LRRC3C: variants seen among roughly 807,000 people sequenced by gnomAD.
LRRC3C encodes leucine rich repeat containing 3C, also known as leucine-rich repeat-containing protein 3C.
In LRRC3C, 11 loss-of-function variants were observed where a neutral mutation model predicts 14.8. The ratio of observed to expected loss-of-function variants is 0.74; its 90% CI spans 0.47 to 1.23. The LOEUF is 1.23. Among genes scored for constraint, LRRC3C ranks in the 50% most tolerant of loss-of-function variants. LRRC3C has a pLI of 0.00. For missense variants in LRRC3C, 354 were observed against 361.8 expected (o/e 0.98, Z 0.18); for synonymous variants, 149 against 161.5 (o/e 0.92, Z 0.59).
At chr17:39,934,092 C>T (rs1166616089) in intron 1 of LRRC3C, among the ~76,000 whole-genome samples, 1 of 152,184 alleles carries the variant, frequency 6.6e-6, no homozygotes, top group South Asian at 2.1e-4. Context: ...TGTTCTGCCT[C>T]CCTCGCCCAG....
chr17:39,931,840 A>AG (rs1420275540), intron 1 of LRRC3C, among the ~76,000 whole-genome samples: 2 of 151,856 alleles, frequency 1.3e-5, no homozygotes, highest in African/African-American at 2.4e-5. Flanking sequence ...TAGTTGAGAC[A>AG]GGGTTTCACC....
In LRRC3C at chr17:39,944,618, G is replaced by T; in HGVS notation, c.712G>T (p.Ala238Ser). 6.5e-7 allele frequency: 1 copy of T among 1,535,948 alleles called. No homozygotes were observed. Among genetic ancestry groups the T allele is most frequent in the Non-Finnish European group, 8.7e-7 (1 of 1,146,852 alleles). The change falls in exon 4 of 4, where the codon GCT becomes TCT. Residue 238 changes from alanine to serine, a missense_variant. By Grantham distance (99) the Ala-to-Ser change is moderately conservative. Transcript: ENST00000377924. ...TMGGWLTLMV[A>S]YLVHYVWQNR... ...GGGGGGCTGGCTGACACTCATGGTG[G>T]CTTATCTGGTGCATTATGTGTGGCA...
In LRRC3C at chr17:39,944,431, G is replaced by A. The variant is rs1979028142; in HGVS notation, c.525G>A (p.Val175=). 2 of 1,492,864 alleles carry A rather than the reference G, an allele frequency of 1.3e-6. No individual in the cohort carries two copies. Among genetic ancestry groups the A allele is most frequent in the East Asian group, 2.5e-5 (1 of 40,530 alleles). 92.5% of individuals were successfully genotyped at this position (1,492,864 alleles called of 1,614,324 possible). ...DCALQEVLRQ[V]RLVPGTGTGI... is the part of the protein sequence containing the mutation. ...CCCTCCAGGAAGTGCTCCGGCAGGTGAGGCTGGTGCCGGGCACTGGGACAG... is the reference window on the plus strand; with the variant it reads ...CCCTCCAGGAAGTGCTCCGGCAGGTAAGGCTGGTGCCGGGCACTGGGACAG... Residue 175 remains valine, a synonymous_variant, in exon 4 of 4, where the codon GTG becomes GTA. Coordinates refer to ENST00000377924, the MANE Select transcript of LRRC3C (RefSeq NM_001195545.2).
rs1025339277 is a variant in LRRC3C, at chr17:39,944,084, G to A, written c.178G>A (p.Glu60Lys). Residue 60 changes from glutamate to lysine, a missense_variant, in exon 4 of 4, where the codon GAA becomes AAA. Coordinates refer to ENST00000377924, the MANE Select transcript of LRRC3C (RefSeq NM_001195545.2). ...RGCYVAKEAGERTFRCSQAGL... is the reference protein window; with the variant it reads ...RGCYVAKEAGKRTFRCSQAGL... Reference sequence around the variant, plus strand: ...CTGTTATGTGGCAAAGGAAGCAGGTGAACGGACGTTCCGCTGCAGCCAGGC... The same window carrying A: ...CTGTTATGTGGCAAAGGAAGCAGGTAAACGGACGTTCCGCTGCAGCCAGGC... 74 of 1,536,126 alleles carry A rather than the reference G, an allele frequency of 4.8e-5. No individual in the cohort carries two copies. In the East Asian group the frequency reaches 5.4e-4, roughly 11 times the overall value.
intron 3 of LRRC3C, 27 bp downstream of exon 3, chr17:39,941,576 T>TTGGTTGTGTCGGG: frequency 1.3e-6 from 2 of 1,532,430 alleles, no homozygotes; most frequent in Non-Finnish European, 1.7e-6. Flanking sequence ...CTAGTCTCTG[T>TTGGTTGTGTCGGG]GACACCCCAC....
chr17:39,933,044 C>T lies in LRRC3C; in HGVS notation c.-174-2758C>T, dbSNP rs116541857. ...TCCAGCCTGGGCAACAAGAGTGGAA[C>T]TTTGTCTCAAAAAATAAAGAAAGGA... On this transcript the variant is annotated intron_variant, in intron 1 of 3. Coordinates refer to ENST00000377924, the MANE Select transcript of LRRC3C (RefSeq NM_001195545.2). 8.1e-3 allele frequency among the ~76,000 whole-genome samples: 1,186 copies of T among 147,200 alleles called. 9 individuals carry two copies. Among genetic ancestry groups the T allele is most frequent in the African/African-American group, 0.029 (1,127 of 39,498 alleles).
intron 2 of LRRC3C, among the ~76,000 whole-genome samples, chr17:39,936,583 A>T (rs535579529): frequency 4.0e-5 from 6 of 151,324 alleles, no homozygotes; most frequent in Non-Finnish European, 8.8e-5. Flanking sequence ...AGGGTGGATC[A>T]CTTGAACCCA....
rs1180316760 is a variant in LRRC3C, at chr17:39,942,970, G to A, written c.27-963G>A. ...TTCTGGGAAGCAGTTTCAGCCTTGGGGAGTGAGGGAAGATGGCAGCATCAA... is the reference window on the plus strand; with the variant it reads ...TTCTGGGAAGCAGTTTCAGCCTTGGAGAGTGAGGGAAGATGGCAGCATCAA... On this transcript the variant is annotated intron_variant, in intron 3 of 3. Transcript: ENST00000377924. 2.6e-5 allele frequency among the ~76,000 whole-genome samples: 4 copies of A among 152,326 alleles called. No homozygotes were observed. In the East Asian group the frequency reaches 7.7e-4, roughly 29 times the overall value.
At chr17:39,934,941 G>A (rs184676125) in intron 1 of LRRC3C, among the ~76,000 whole-genome samples, 45 of 152,254 alleles carry the variant, frequency 3.0e-4, no homozygotes, top group Non-Finnish European at 5.7e-4. Context: ...AACTGTCATG[G>A]CGCGGCTGAA....
At chr17:39,937,865 C>A (rs1306409523) in intron 2 of LRRC3C, among the ~76,000 whole-genome samples, 4 of 152,220 alleles carry the variant, frequency 2.6e-5, no homozygotes, top group African/African-American at 4.8e-5. Context: ...GGCACGGTGG[C>A]TCACTCCTGT....
intron 2 of LRRC3C, among the ~76,000 whole-genome samples, chr17:39,938,556 C>G (rs887228534): frequency 6.8e-6 from 1 of 146,236 alleles, no homozygotes; most frequent in Non-Finnish European, 1.5e-5. Flanking sequence ...AAAAAATTGG[C>G]TGGTTGTGGT....
chr17:39,944,123 G>A lies in LRRC3C; in HGVS notation c.217G>A (p.Val73Met), dbSNP rs1379829461. 2 of 1,536,214 alleles carry A rather than the reference G, an allele frequency of 1.3e-6. No homozygotes were observed. The highest frequency in any genetic ancestry group is 1.7e-6 in the Non-Finnish European group (2 of 1,146,932). The change falls in exon 4 of 4, where the codon GTG (valine) becomes ATG (methionine). Residue 73 changes from valine to methionine, a missense_variant. Transcript: ENST00000377924. ...CTGCAGCCAGGCAGGCCTCAGTGCT[G>A]TGCCCTCCGGCATCCCCAATGACAC... Reference protein sequence around the residue: ...FRCSQAGLSAVPSGIPNDTRK... With the variant: ...FRCSQAGLSAMPSGIPNDTRK...
intron 2 of LRRC3C, among the ~76,000 whole-genome samples, chr17:39,939,940 A>G (rs1568119117): frequency 6.6e-6 from 1 of 152,198 alleles, no homozygotes; most frequent in Non-Finnish European, 1.5e-5. Context: ...ATCAACAGCC[A>G]GGCTCAATTC....
At chr17:39,931,100 C>T (rs1421805411) in intron 1 of LRRC3C, among the ~76,000 whole-genome samples, 6 of 151,324 alleles carry the variant, frequency 4.0e-5, no homozygotes, top group East Asian at 1.9e-4. Context: ...CGAGATCGTG[C>T]CATTGCACTC....
intron 1 of LRRC3C, among the ~76,000 whole-genome samples, chr17:39,928,675 C>T (rs965978313): frequency 3.3e-5 from 5 of 152,222 alleles, no homozygotes; most frequent in East Asian, 3.8e-4. Context: ...ATAGCAAGGT[C>T]AGATGATGTC....
chr17:39,933,718 G>A (rs974876243), intron 1 of LRRC3C, among the ~76,000 whole-genome samples: 13 of 152,082 alleles, frequency 8.5e-5, no homozygotes, highest in Non-Finnish European at 1.5e-4. Flanking sequence ...GGGCGACAGA[G>A]CAAGACTCCG....
rs767497805 is a variant in LRRC3C at position 39,944,049 on chromosome 17, CT to C, written c.144del (p.Arg50GlyfsTer106). 1.6e-4 allele frequency: 245 copies of C among 1,536,098 alleles called. No homozygotes were observed. Among genetic ancestry groups the C allele is most frequent in the Non-Finnish European group, 2.1e-4 (240 of 1,146,880 alleles). On this transcript the variant is annotated frameshift_variant, in exon 4 of 4. Coordinates refer to ENST00000377924, the MANE Select transcript of LRRC3C (RefSeq NM_001195545.2). LOFTEE classifies it high-confidence loss of function. ...TGGTVPSPQV[P>X]PRGCYVAKEA... is the part of the protein sequence containing the mutation. ...GGTACTGTGCCCAGCCCCCAGGTGC[CT>C]CCCCGGGGCTGTTATGTGGCAAAGG...
At chr17:39,940,359 A>G (rs1368081343) in intron 2 of LRRC3C, among the ~76,000 whole-genome samples, 13 of 152,168 alleles carry the variant, frequency 8.5e-5, no homozygotes, top group Admixed American at 8.5e-4. Context: ...CTGTGCTCAC[A>G]AGAGCTCTGC....
chr17:39,934,634 C>CCGA (rs1978747881), intron 1 of LRRC3C: 1 of 152,212 alleles, frequency 6.6e-6, no homozygotes, highest in African/African-American at 2.4e-5. Context: ...TAAATGTTAA[C>CCGA]TGAACTATGT....
Sources: gnomAD v4.1 joint callset for allele counts (sites outside exome capture counted in the v4.1 genomes callset) on GRCh38, gnomAD v4.1.1 for gene constraint, MANE v1.5 for transcripts, NCBI Gene and HGNC (gene_info 2026-07-23, HGNC 2026-07-21) for gene names.